Variants in FEZ1 observed in about 807,000 individuals in gnomAD.
FEZ1 encodes fasciculation and elongation protein zeta 1.
Under a neutral mutation model 49.3 loss-of-function variants are expected in FEZ1, and 20 were observed. That is an observed-to-expected ratio of 0.41 (90% CI 0.29 to 0.59). The LOEUF (loss-of-function observed/expected upper bound fraction) is 0.59. Ranked by LOEUF, FEZ1 falls within the 20% of genes least tolerant of loss-of-function variation. The probability of loss-of-function intolerance (pLI) is 0.36; values close to 1 mark genes in which losing one functional copy is unlikely to be tolerated. For synonymous variants in FEZ1, 170 were observed against 180.9 expected, an observed-to-expected ratio of 0.94 and a Z score of 0.48; for missense variants, 413 against 476.0, an observed-to-expected ratio of 0.87 and a Z score of 1.23.
At chr11:125,458,267 TC>T (rs1297604084) in intron 5 of FEZ1, among the ~76,000 whole-genome samples, 1 of 152,174 alleles carries the variant, frequency 6.6e-6, no homozygotes, top group African/African-American at 2.4e-5. Context: ...AGTTCCCATC[TC>T]CCCATGGGTG....
At chr11:125,449,758 G>T (rs2135736337) in intron 8 of FEZ1, among the ~76,000 whole-genome samples, 1 of 152,248 alleles carries the variant, frequency 6.6e-6, no homozygotes, top group South Asian at 2.1e-4. Flanking sequence ...CTGCAACAGT[G>T]GGATTGCCAC....
intron 8 of FEZ1, among the ~76,000 whole-genome samples, chr11:125,449,026 C>T (rs1250402856): frequency 6.6e-6 from 1 of 151,912 alleles, no homozygotes; most frequent in Non-Finnish European, 1.5e-5. Context: ...AGGTAGTGGA[C>T]CTACTGGTGA....
intron 3 of FEZ1, among the ~76,000 whole-genome samples, chr11:125,474,615 C>G (rs1957212616): frequency 6.6e-6 from 1 of 152,130 alleles, no homozygotes; most frequent in Non-Finnish European, 1.5e-5. Flanking sequence ...TATGGCCAAG[C>G]ACGGTGGCTC....
In FEZ1 at chr11:125,460,539, T is replaced by A; in HGVS notation, c.626A>T (p.Gln209Leu). 6.2e-7 allele frequency: 1 copy of A among 1,614,160 alleles called. No individual in the cohort carries two copies. The highest frequency in any genetic ancestry group is 8.5e-7 in the Non-Finnish European group (1 of 1,180,016). The change falls in exon 5 of 10, where the codon CAG becomes CTG. Residue 209 changes from glutamine (Q) to leucine (L), a missense_variant. By Grantham distance (113) the Gln-to-Leu change is moderately radical. Coordinates refer to ENST00000278919, the MANE Select transcript of FEZ1 (RefSeq NM_005103.5). ...GTTGTTGAAGGTCTGTGTCAATGCCTGCATCTCCTGCAGGAGGACCGAGTC... is the reference window on the plus strand; with the variant it reads ...GTTGTTGAAGGTCTGTGTCAATGCCAGCATCTCCTGCAGGAGGACCGAGTC... Reference protein sequence around the residue: ...QADSVLLQEMQALTQTFNNNW... With the variant: ...QADSVLLQEMLALTQTFNNNW...
rs1957463496 is a variant in FEZ1 at position 125,495,845 on chromosome 11, C to T, written c.-46+276G>A. On this transcript the variant is annotated intron_variant, in intron 1 of 9. Coordinates refer to ENST00000278919, the MANE Select transcript of FEZ1 (RefSeq NM_005103.5). The surrounding 1 kb of genome is among the most constrained non-coding windows in gnomAD (Gnocchi z 4.2). The stretch of plus-strand genomic sequence containing the variant: ...ACACACACACACACACCAGGCCTGG[C>T]TGGAGGGCCGATGCTGAGATGATAC... 1.3e-5 allele frequency: 4 copies of T among 317,444 alleles called. No homozygotes were observed. Among genetic ancestry groups the T allele is most frequent in the South Asian group, 9.7e-5 (4 of 41,302 alleles). 19.7% of individuals were successfully genotyped at this position (317,444 alleles called of 1,614,324 possible).
chr11:125,493,314 A>G (rs1384738354), intron 1 of FEZ1, among the ~76,000 whole-genome samples: 1 of 149,482 alleles, frequency 6.7e-6, no homozygotes. Flanking sequence ...AGCCTGGGCA[A>G]CAAGAGCGAA....
chr11:125,475,875 A>G (rs1957227193), intron 3 of FEZ1, among the ~76,000 whole-genome samples: 1 of 152,238 alleles, frequency 6.6e-6, no homozygotes, highest in African/African-American at 2.4e-5. Flanking sequence ...TTCATTTGAA[A>G]TATGCAAAAA....
chr11:125,458,197 T>A (rs1957038481), intron 5 of FEZ1, among the ~76,000 whole-genome samples: 1 of 152,174 alleles, frequency 6.6e-6, no homozygotes, highest in Non-Finnish European at 1.5e-5. Context: ...TTTCACCACT[T>A]CTAACCCGCA....
At chr11:125,482,974 TAAAAAAAAAAAAAAAAA>T (rs56169482) in intron 2 of FEZ1, among the ~76,000 whole-genome samples, 1 of 28,740 alleles carries the variant, frequency 3.5e-5, no homozygotes, top group African/African-American at 1.4e-4. Context: ...CAAGACACTG[TAAAAAAAAAAAAAAAAA>T]AAAAAAAAAA....
chr11:125,466,889 G>T (rs188037724), intron 3 of FEZ1, among the ~76,000 whole-genome samples: 14 of 151,862 alleles, frequency 9.2e-5, no homozygotes, highest in African/African-American at 3.4e-4. Flanking sequence ...AGCATATTTA[G>T]CCCTTTGCAT....
chr11:125,463,658 G>T (rs1419733553), intron 3 of FEZ1, 88 bp from the exon 4 acceptor site: 2 of 788,496 alleles, frequency 2.5e-6, no homozygotes, highest in East Asian at 4.9e-5. Flanking sequence ...GATACTGACT[G>T]GGAGGCCACT....
intron 3 of FEZ1, among the ~76,000 whole-genome samples, chr11:125,477,372 G>A (rs113287904): frequency 6.6e-6 from 1 of 151,962 alleles, no homozygotes; most frequent in Non-Finnish European, 1.5e-5. Context: ...GAGCGTCATG[G>A]TGCATTCCTG....
rs796507357 is a variant in FEZ1 at position 125,449,441 on chromosome 11, A to AAAAAAAAAAAG, written c.1097-875_1097-874insCTTTTTTTTTT. On this transcript the variant is annotated intron_variant, in intron 8 of 9. Coordinates refer to ENST00000278919, the MANE Select transcript of FEZ1 (RefSeq NM_005103.5). ...ATAAAAAAAAAAAAAAAAAAAAAAA[A>AAAAAAAAAAAG]AAGAAGAAGAGGAAGAAAAGAAAAA... 5.3e-4 allele frequency among the ~76,000 whole-genome samples: 68 copies of AAAAAAAAAAAG among 128,206 alleles called. 3 individuals carry two copies. Among genetic ancestry groups the AAAAAAAAAAAG allele is most frequent in the Non-Finnish European group, 7.4e-4 (44 of 59,426 alleles). The allele number at this position is 128,206 out of a possible 152,430, so 84.1% of individuals were successfully genotyped here.
intron 1 of FEZ1, among the ~76,000 whole-genome samples, chr11:125,493,487 AAGG>A (rs1399517342): frequency 2.8e-5 from 2 of 71,792 alleles, no homozygotes; most frequent in Non-Finnish European, 5.4e-5. Flanking sequence ...AGAAGGAAAG[AAGG>A]AAAGAAAGAA....
At chr11:125,462,981 CA>C (rs939736675) in intron 4 of FEZ1, among the ~76,000 whole-genome samples, 2 of 138,810 alleles carry the variant, frequency 1.4e-5, no homozygotes, top group Non-Finnish European at 3.1e-5. Context: ...GCCTGGGTGA[CA>C]AAGTGAGACC....
intron 3 of FEZ1, among the ~76,000 whole-genome samples, chr11:125,468,249 T>C (rs1393048240): frequency 6.6e-6 from 1 of 151,924 alleles, no homozygotes; most frequent in Non-Finnish European, 1.5e-5. Context: ...ATGATCAAAG[T>C]CCACTGCAGC....
chr11:125,473,360 T>C (rs748898152), intron 3 of FEZ1, among the ~76,000 whole-genome samples: 34 of 152,324 alleles, frequency 2.2e-4, no homozygotes, highest in South Asian at 8.3e-4. Flanking sequence ...AAAATAAACC[T>C]TGAAGCCCAG....
At chr11:125,467,533 C>T (rs1022769273) in intron 3 of FEZ1, among the ~76,000 whole-genome samples, 13 of 152,162 alleles carry the variant, frequency 8.5e-5, no homozygotes, top group Non-Finnish European at 1.5e-5. Context: ...CCACAGGTAA[C>T]TTAGCTATTT....
At chr11:125,469,847 G>A (rs1040433896) in intron 3 of FEZ1, among the ~76,000 whole-genome samples, 1 of 151,750 alleles carries the variant, frequency 6.6e-6, no homozygotes, top group Non-Finnish European at 1.5e-5. Flanking sequence ...CAAGTAGTTG[G>A]GACTGCAAGT....
Sources: gnomAD v4.1 joint callset for allele counts (sites outside exome capture counted in the v4.1 genomes callset) on GRCh38, gnomAD v4.1.1 for gene constraint, Gnocchi (gnomAD v3.1) non-coding constraint, MANE v1.5 for transcripts, NCBI Gene and HGNC (gene_info 2026-07-23, HGNC 2026-07-21) for gene names.